RNF150: variants seen among roughly 807,000 people sequenced by gnomAD.
RNF150 encodes ring finger protein 150.
A neutral mutation model predicts 39.3 loss-of-function variants in RNF150; 24 were observed. That is an observed-to-expected ratio of 0.61 (90% CI 0.44 to 0.86). The LOEUF is 0.86. RNF150 is among the 40% of genes least tolerant of loss of function. The probability of loss-of-function intolerance (pLI) is 0.00; values close to 1 mark genes in which losing one functional copy is unlikely to be tolerated. For missense variants in RNF150, 502 were observed against 587.8 expected, an observed-to-expected ratio of 0.85 and a Z score of 1.51; for synonymous variants, 255 against 227.3, an observed-to-expected ratio of 1.12 and a Z score of -1.10.
intron 1 of RNF150, among the ~76,000 whole-genome samples, chr4:141,182,279 A>C (rs1228574208): frequency 9.7e-6 from 1 of 103,278 alleles, no homozygotes; most frequent in Non-Finnish European, 1.9e-5. Flanking sequence ...CAAGACAGGG[A>C]TGCCCTCTCT....
intron 1 of RNF150, among the ~76,000 whole-genome samples, chr4:141,125,190 C>G (rs1264961665): frequency 6.6e-6 from 1 of 152,092 alleles, no homozygotes; most frequent in African/African-American, 2.4e-5. Context: ...CACATTTATC[C>G]TACCATACAT....
At chr4:140,907,806 GAC>G (rs1730445577) in intron 6 of RNF150, among the ~76,000 whole-genome samples, 3 of 152,166 alleles carry the variant, frequency 2.0e-5, no homozygotes, top group Admixed American at 1.3e-4. Context: ...ATTGGACAGT[GAC>G]ATTAATCTCT....
At chr4:140,973,712 A>G (rs1733552053) in intron 1 of RNF150, among the ~76,000 whole-genome samples, 1 of 151,892 alleles carries the variant, frequency 6.6e-6, no homozygotes. Context: ...TTCTGTCTCT[A>G]CTAAAAATAC....
At chr4:140,878,840 A>C (rs543100573) in intron 6 of RNF150, among the ~76,000 whole-genome samples, 6 of 152,294 alleles carry the variant, frequency 3.9e-5, no homozygotes, top group African/African-American at 7.2e-5. Flanking sequence ...CAATGCCATG[A>C]AGCTTTCCCC....
intron 1 of RNF150, among the ~76,000 whole-genome samples, chr4:141,023,246 G>C (rs1271692461): frequency 6.6e-6 from 1 of 151,956 alleles, no homozygotes; most frequent in East Asian, 1.9e-4. Context: ...TGATGATGAT[G>C]ATGATGATGA....
chr4:141,038,123 A>T (rs1470699202), intron 1 of RNF150, among the ~76,000 whole-genome samples: 1 of 152,150 alleles, frequency 6.6e-6, no homozygotes, highest in Non-Finnish European at 1.5e-5. Flanking sequence ...TCCTATGTAC[A>T]TGTGTACCCC....
intron 2 of RNF150, among the ~76,000 whole-genome samples, chr4:140,949,578 G>A (rs780584996): frequency 1.3e-5 from 2 of 152,100 alleles, no homozygotes; most frequent in African/African-American, 4.8e-5. Context: ...TTCTGCCATA[G>A]AGAGAAGTTC....
chr4:140,912,959 T>TAAAAAA (rs10616886), intron 5 of RNF150, among the ~76,000 whole-genome samples: 4 of 138,176 alleles, frequency 2.9e-5, no homozygotes, highest in African/African-American at 1.1e-4. Flanking sequence ...CATCAGAACA[T>TAAAAAA]AAAAAAAAAA....
chr4:140,959,618 C>G (rs377163302), intron 2 of RNF150, among the ~76,000 whole-genome samples: 1 of 152,052 alleles, frequency 6.6e-6, no homozygotes, highest in Non-Finnish European at 1.5e-5. Context: ...ACAAGCATCG[C>G]GAGTGAAGAG....
intron 1 of RNF150, among the ~76,000 whole-genome samples, chr4:141,051,831 AT>A (rs1269234110): frequency 1.3e-5 from 2 of 152,122 alleles, no homozygotes; most frequent in Non-Finnish European, 2.9e-5. Flanking sequence ...TTTCTTCCAC[AT>A]TTTTGGGTAT....
chr4:141,016,203 C>G (rs75504636), intron 1 of RNF150, among the ~76,000 whole-genome samples: 1 of 152,118 alleles, frequency 6.6e-6, no homozygotes. Context: ...CCTGCTCTCA[C>G]CATTGAAAAC....
At chr4:140,937,042 A>C (rs1324100838) in intron 4 of RNF150, among the ~76,000 whole-genome samples, 10 of 152,132 alleles carry the variant, frequency 6.6e-5, no homozygotes, top group Admixed American at 3.9e-4. Flanking sequence ...AATTGGATAA[A>C]ATTTTTCAAG....
intron 1 of RNF150, among the ~76,000 whole-genome samples, chr4:141,177,519 T>C (rs1343584451): frequency 6.6e-6 from 1 of 152,016 alleles, no homozygotes; most frequent in Non-Finnish European, 1.5e-5. Flanking sequence ...GCCTGCAATG[T>C]ACATTAATAT....
In RNF150 at chr4:140,868,121, T is replaced by C. The variant is rs1728784387; in HGVS notation, c.*140A>G. The C allele has an allele frequency of 3.2e-6, 2 of 615,670 alleles. No individual in the cohort carries two copies. Among genetic ancestry groups the C allele is most frequent in the East Asian group, 2.7e-5 (1 of 37,060 alleles). The allele number at this position is 615,670 out of a possible 1,614,324, so 38.1% of individuals were successfully genotyped here. Reference sequence around the variant, plus strand: ...ATTGACAAGACTTTGGATATTGCTTTTCGTCAGCATTCTTGAACGGAGCGC... The same window carrying C: ...ATTGACAAGACTTTGGATATTGCTTCTCGTCAGCATTCTTGAACGGAGCGC... On this transcript the variant is annotated 3_prime_UTR_variant, in exon 7 of 7. Transcript: ENST00000515673.
intron 2 of RNF150, among the ~76,000 whole-genome samples, chr4:140,956,792 C>G (rs1174530680): frequency 6.6e-6 from 1 of 152,072 alleles, no homozygotes; most frequent in Non-Finnish European, 1.5e-5. Flanking sequence ...CTGAGAAAAA[C>G]AAGCAATGGG....
intron 1 of RNF150, among the ~76,000 whole-genome samples, chr4:141,097,918 T>A (rs1042768642): frequency 6.6e-6 from 1 of 152,154 alleles, no homozygotes; most frequent in African/African-American, 2.4e-5. Context: ...TCCTTGAGAT[T>A]TGAGACAAAT....
At chr4:141,029,374 G>T (rs1735839450) in intron 1 of RNF150, among the ~76,000 whole-genome samples, 1 of 152,076 alleles carries the variant, frequency 6.6e-6, no homozygotes, top group South Asian at 2.1e-4. Context: ...ACAAACTCAG[G>T]ATTTGGCATA....
intron 1 of RNF150, among the ~76,000 whole-genome samples, chr4:140,993,461 C>T (rs1470087159): frequency 2.0e-5 from 3 of 152,174 alleles, no homozygotes; most frequent in Admixed American, 2.0e-4. Flanking sequence ...GTAATGTATT[C>T]ACAGGTTCTG....
chr4:141,038,246 T>C (rs1736221743), intron 1 of RNF150, among the ~76,000 whole-genome samples: 2 of 152,150 alleles, frequency 1.3e-5, no homozygotes. Context: ...ATAGCTGGTG[T>C]GCACGCTACA....
Sources: allele counts gnomAD v4.1 joint callset (sites outside exome capture counted in the v4.1 genomes callset), GRCh38; gene constraint gnomAD v4.1.1; transcripts MANE v1.5; gene names NCBI Gene and HGNC (gene_info 2026-07-23, HGNC 2026-07-21).